MOB1B: variants seen among roughly 807,000 people sequenced by gnomAD.
The protein encoded by MOB1B is MOB1 Mps One Binder homolog B.
A neutral mutation model predicts 24.4 loss-of-function variants in MOB1B; 19 were observed. That is an observed-to-expected ratio of 0.78 (90% CI 0.54 to 1.14). The LOEUF (loss-of-function observed/expected upper bound fraction) is 1.14. MOB1B is among the 50% of genes most tolerant of loss of function. The pLI is 0.00. For missense variants in MOB1B, 243 were observed against 259.6 expected, an observed-to-expected ratio of 0.94 and a Z score of 0.44; for synonymous variants, 76 against 82.1, an observed-to-expected ratio of 0.93 and a Z score of 0.40.
At chr4:70,930,804 C>G (rs772947983) in intron 1 of MOB1B, among the ~76,000 whole-genome samples, 1 of 151,858 alleles carries the variant, frequency 6.6e-6, no homozygotes, top group African/African-American at 2.4e-5. Flanking sequence ...ATGGTTTTCA[C>G]TTATTTCTGT....
chr4:70,957,783 G>T (rs1336108315), intron 1 of MOB1B, among the ~76,000 whole-genome samples: 1 of 149,682 alleles, frequency 6.7e-6, no homozygotes, highest in African/African-American at 2.5e-5. Context: ...AAGAGATGGG[G>T]GTCTTGCTAT....
intron 3 of MOB1B, among the ~76,000 whole-genome samples, chr4:70,973,336 G>A (rs1324553209): frequency 2.0e-5 from 3 of 151,944 alleles, no homozygotes; most frequent in Non-Finnish European, 4.4e-5. Flanking sequence ...TGGGGATGGT[G>A]GCTCACACCT....
chr4:70,965,141 A>T (rs113668275), intron 2 of MOB1B, among the ~76,000 whole-genome samples: 28 of 151,928 alleles, frequency 1.8e-4, no homozygotes, highest in African/African-American at 6.5e-4. Context: ...TATTAAAAAT[A>T]CAAAAATTAG....
chr4:70,964,509 T>A (rs1738435007), intron 2 of MOB1B, among the ~76,000 whole-genome samples: 1 of 152,202 alleles, frequency 6.6e-6, no homozygotes, highest in Non-Finnish European at 1.5e-5. Flanking sequence ...GCTAAAGCTG[T>A]GTTAGAGGAA....
intron 1 of MOB1B, among the ~76,000 whole-genome samples, chr4:70,945,300 A>G (rs1737531259): frequency 6.6e-6 from 1 of 152,196 alleles, no homozygotes; most frequent in Non-Finnish European, 1.5e-5. Context: ...TAGAAGTCAG[A>G]ACAGAAGTCT....
intron 1 of MOB1B, among the ~76,000 whole-genome samples, chr4:70,918,568 T>C: frequency 6.6e-6 from 1 of 151,334 alleles, no homozygotes; most frequent in African/African-American, 2.4e-5. Flanking sequence ...TTGTTTGAGT[T>C]CATTGTAGAT....
chr4:70,981,507 C>G (rs141510761), intron 5 of MOB1B, among the ~76,000 whole-genome samples: 1 of 152,130 alleles, frequency 6.6e-6, no homozygotes, highest in African/African-American at 2.4e-5. Flanking sequence ...ATTTTCCTAC[C>G]ATATCTTTTG....
At position 70,915,086 on chromosome 4, in the gene MOB1B, C is replaced by A. The variant is rs533696652; in HGVS notation, c.14+12536C>A. 7.0e-4 allele frequency among the ~76,000 whole-genome samples: 107 copies of A among 152,316 alleles called. 1 individual carries two copies. Among genetic ancestry groups the A allele is most frequent in the African/African-American group, 2.3e-3 (94 of 41,560 alleles). On this transcript the variant is annotated intron_variant, in intron 1 of 5. Coordinates refer to ENST00000309395, the MANE Select transcript of MOB1B (RefSeq NM_173468.4). ...GTGATACTTCGGTTATTATCATTATCTTAACAATGATGATTGCTAGCAGCT... is the reference window on the plus strand; with the variant it reads ...GTGATACTTCGGTTATTATCATTATATTAACAATGATGATTGCTAGCAGCT...
intron 1 of MOB1B, among the ~76,000 whole-genome samples, chr4:70,957,102 T>G (rs927256755): frequency 5.5e-5 from 8 of 146,142 alleles, no homozygotes; most frequent in African/African-American, 7.4e-5. Context: ...GTTTATGTGT[T>G]TTTTTTTTTT....
intron 1 of MOB1B, among the ~76,000 whole-genome samples, chr4:70,923,182 T>C (rs1452485734): frequency 6.6e-6 from 1 of 152,056 alleles, no homozygotes; most frequent in Non-Finnish European, 1.5e-5. Flanking sequence ...CCAAACAATT[T>C]TGGGGCCAAG....
intron 1 of MOB1B, among the ~76,000 whole-genome samples, chr4:70,934,449 A>T (rs2148881036): frequency 6.6e-6 from 1 of 151,192 alleles, no homozygotes; most frequent in Admixed American, 6.6e-5. Context: ...CAAGTACTGG[A>T]ATATAATTTT....
chr4:70,910,880 C>T (rs936268322), intron 1 of MOB1B, among the ~76,000 whole-genome samples: 1 of 152,064 alleles, frequency 6.6e-6, no homozygotes, highest in Non-Finnish European at 1.5e-5. Context: ...CCTCCGCCTC[C>T]TGGATTCAGC....
At position 70,902,490 on chromosome 4, in the gene MOB1B, T is replaced by C. The variant is rs1180767706; in HGVS notation, c.-47T>C. The C allele has an allele frequency of 6.4e-7, 1 of 1,551,334 alleles. No individual in the cohort carries two copies. The highest frequency in any genetic ancestry group is 1.2e-5 in the South Asian group (1 of 84,300). ...CCTCTTCTTTCCTGGCCCACGCCGC[T>C]CCGAGGCCTCGCGACCGCCGAGCCT... On this transcript the variant is annotated 5_prime_UTR_variant, in exon 1 of 6. Coordinates refer to ENST00000309395, the MANE Select transcript of MOB1B (RefSeq NM_173468.4).
intron 1 of MOB1B, among the ~76,000 whole-genome samples, chr4:70,928,130 C>T (rs961217790): frequency 4.6e-5 from 7 of 152,098 alleles, no homozygotes; most frequent in African/African-American, 1.4e-4. Flanking sequence ...TAGTCCTTAT[C>T]ATAGTCCTTT....
intron 1 of MOB1B, among the ~76,000 whole-genome samples, chr4:70,914,267 C>G (rs923942962): frequency 2.0e-5 from 3 of 152,198 alleles, no homozygotes; most frequent in African/African-American, 7.2e-5. Context: ...GTCTGAGGTA[C>G]TTTGTTGTAA....
Position 70,982,156 on chromosome 4 carries a change from T to C in MOB1B, c.*99T>C. 3.6e-6 allele frequency: 3 copies of C among 837,514 alleles called. No homozygotes were observed. The highest frequency in any genetic ancestry group is 1.9e-6 in the Non-Finnish European group (1 of 526,326). The allele number at this position is 837,514 out of a possible 1,614,324, so 51.9% of individuals were successfully genotyped here. A position where few individuals can be genotyped will look rare whatever the true frequency, so the allele number is the denominator to read the frequency against. ...GTTTTTATCTGGATTGTTTTTGTCC[T>C]AGGTTTGGGGGCGGGGGCTTGTTTG... On this transcript the variant is annotated 3_prime_UTR_variant, in exon 6 of 6. Coordinates refer to ENST00000309395, the MANE Select transcript of MOB1B (RefSeq NM_173468.4).
chr4:70,963,861 A>C (rs1193191630), intron 2 of MOB1B, among the ~76,000 whole-genome samples: 3 of 151,960 alleles, frequency 2.0e-5, no homozygotes, highest in African/African-American at 7.3e-5. Flanking sequence ...CCAAACAAAC[A>C]CACCAATGTG....
intron 1 of MOB1B, among the ~76,000 whole-genome samples, chr4:70,917,515 A>G (rs2148870983): frequency 6.6e-6 from 1 of 152,306 alleles, no homozygotes; most frequent in Non-Finnish European, 1.5e-5. Flanking sequence ...AAAAGTATGG[A>G]GAGAGCCCTC....
intron 2 of MOB1B, among the ~76,000 whole-genome samples, chr4:70,960,503 C>T (rs965130524): frequency 3.3e-5 from 5 of 152,038 alleles, no homozygotes; most frequent in Non-Finnish European, 7.4e-5. Flanking sequence ...TATTTAATGG[C>T]CTCTTATTAT....
Sources: allele counts gnomAD v4.1 joint callset (sites outside exome capture counted in the v4.1 genomes callset), GRCh38; gene constraint gnomAD v4.1.1; transcripts MANE v1.5; gene names NCBI Gene and HGNC (gene_info 2026-07-23, HGNC 2026-07-21).